The following ELFN1 variants were observed in gnomAD, a reference collection of about 807,000 sequenced individuals.
ELFN1 encodes the protein protein ELFN1.
ELFN1 carries 6 observed loss-of-function variants against 7.6 expected under a neutral mutation model. That is an observed-to-expected ratio of 0.79 (90% confidence interval 0.43 to 1.56). The LOEUF (loss-of-function observed/expected upper bound fraction) is 1.56. ELFN1 is among the 40% of genes most tolerant of loss of function. The pLI is 0.01. For synonymous variants in ELFN1, 657 were observed against 588.1 expected, an observed-to-expected ratio of 1.12 and a Z score of -1.70; for missense variants, 1,169 against 1,232.2, an observed-to-expected ratio of 0.95 and a Z score of 0.77.
chr7:1,671,859 C>T (rs1778773981), intron 1 of ELFN1, among the ~76,000 whole-genome samples: 1 of 152,184 alleles, frequency 6.6e-6, no homozygotes, highest in Non-Finnish European at 1.5e-5. Context: ...GGGAGGGGGT[C>T]ACCCCCTCAC....
chr7:1,720,436 G>A (rs958805970), intron 3 of ELFN1, among the ~76,000 whole-genome samples: 1 of 152,212 alleles, frequency 6.6e-6, no homozygotes, highest in Non-Finnish European at 1.5e-5. Context: ...CCTCAGGAAT[G>A]GGTCCCCAGC....
At position 1,745,308 on chromosome 7, in the gene ELFN1, G is replaced by GGCCACCGCA; in HGVS notation, c.715_723dup (p.His239_Ser241dup). On this transcript the variant is annotated inframe_insertion, in exon 4 of 4. Transcript: ENST00000424383. The stretch of plus-strand genomic sequence containing the variant: ...CTACCTCCTGGGCCAGGGCCGCCGC[G>GGCCACCGCA]GCCACCGCAGCATCCTCAGCAAACT... 1 of 1,538,780 alleles carries GGCCACCGCA rather than the reference G, an allele frequency of 6.5e-7. No individual in the cohort carries two copies. The highest frequency in any genetic ancestry group is 8.7e-7 in the Non-Finnish European group (1 of 1,146,770).
intron 1 of ELFN1, among the ~76,000 whole-genome samples, chr7:1,677,459 C>T (rs1315323363): frequency 2.6e-5 from 4 of 152,196 alleles, no homozygotes; most frequent in Non-Finnish European, 1.5e-5. Context: ...AGCAGGCACG[C>T]ATGTTCACGT....
At chr7:1,723,042 A>G (rs1780070869) in intron 3 of ELFN1, among the ~76,000 whole-genome samples, 1 of 152,178 alleles carries the variant, frequency 6.6e-6, no homozygotes, top group African/African-American at 2.4e-5. Context: ...TAAAAATACA[A>G]AATTAGCCAG....
Position 1,695,680 on chromosome 7 carries a change from G to A in ELFN1, c.-456+7530G>A, listed in dbSNP as rs143894569. On this transcript the variant is annotated intron_variant, in intron 2 of 3. Transcript: ENST00000424383. This position sits in a 1 kb window ranked among gnomAD's most constrained non-coding sequence, Gnocchi z 5.1. ...GGAGAATTGTTTGAACCCAGGAGGT[G>A]GAGGTTGCAGTGAGCCGAGATCGCG... is the stretch of plus-strand genomic sequence containing the variant. Among the ~76,000 whole-genome samples, 1,704 of 150,938 alleles carry A rather than the reference G, an allele frequency of 0.011. 30 individuals carry two copies. The highest frequency in any genetic ancestry group is 0.039 in the African/African-American group (1,609 of 40,922).
chr7:1,690,926 A>G (rs1238895251), intron 2 of ELFN1, among the ~76,000 whole-genome samples: 2 of 152,132 alleles, frequency 1.3e-5, no homozygotes, highest in Non-Finnish European at 2.9e-5. Flanking sequence ...ATGTAGATTA[A>G]TGATGATGGA....
chr7:1,730,460 C>T (rs1328637951), intron 3 of ELFN1, among the ~76,000 whole-genome samples: 8 of 152,158 alleles, frequency 5.3e-5, no homozygotes, highest in Non-Finnish European at 1.0e-4. Flanking sequence ...TCCAATTCCA[C>T]AGAATATCAC....
chr7:1,716,686 A>G (rs1779842946), intron 3 of ELFN1, among the ~76,000 whole-genome samples: 1 of 151,914 alleles, frequency 6.6e-6, no homozygotes, highest in Non-Finnish European at 1.5e-5. Flanking sequence ...CCCCCTGCAA[A>G]CTCAGCCCCA....
At chr7:1,682,340 T>A (rs889619364) in intron 1 of ELFN1, among the ~76,000 whole-genome samples, 1 of 152,254 alleles carries the variant, frequency 6.6e-6, no homozygotes, top group Non-Finnish European at 1.5e-5. Flanking sequence ...AAAAAGACTA[T>A]CTTTTCTGCA....
At chr7:1,699,610 C>T (rs1779385225) in intron 2 of ELFN1, among the ~76,000 whole-genome samples, 1 of 152,166 alleles carries the variant, frequency 6.6e-6, no homozygotes, top group South Asian at 2.1e-4. Flanking sequence ...CACTGCACTC[C>T]AGCCTGGTCC....
intron 2 of ELFN1, chr7:1,693,151 C>T: frequency 2.8e-6 from 1 of 357,042 alleles, no homozygotes; most frequent in Non-Finnish European, 5.6e-6. Context: ...CCATGCAGAC[C>T]CCTAGTGACC....
chr7:1,671,860 AC>A (rs1190813555), intron 1 of ELFN1, among the ~76,000 whole-genome samples: 1 of 151,900 alleles, frequency 6.6e-6, no homozygotes, highest in Non-Finnish European at 1.5e-5. Context: ...GGAGGGGGTC[AC>A]CCCCTCACCT....
chr7:1,693,788 G>A (rs551141573), intron 2 of ELFN1: 4 of 470,574 alleles, frequency 8.5e-6, no homozygotes, highest in African/African-American at 2.0e-5. Context: ...TGACAGACAC[G>A]GGGTGCGGGA....
intron 2 of ELFN1, among the ~76,000 whole-genome samples, chr7:1,690,666 G>A (rs986050608): frequency 2.6e-5 from 4 of 151,210 alleles, no homozygotes; most frequent in African/African-American, 9.7e-5. Context: ...GAGGTGGGTG[G>A]ATGGGTGGAT....
intron 2 of ELFN1, among the ~76,000 whole-genome samples, chr7:1,688,567 C>A (rs933740889): frequency 2.8e-4 from 42 of 152,196 alleles, no homozygotes; most frequent in African/African-American, 7.9e-4. Context: ...GTTGATTTTA[C>A]CCCTTTTATT....
rs1223738207 is a variant in ELFN1 at position 1,744,212 on chromosome 7, A to T, written c.-293-92A>T. ...TCAGCGGAGCAGGGACTCAGGCCAC[A>T]TTGGGATGCCGCCGCTGTGAGATGC... On this transcript the variant is annotated intron_variant, in intron 3 of 3. Transcript: ENST00000424383. 4 of 244,924 alleles carry T rather than the reference A, an allele frequency of 1.6e-5. No homozygotes were observed. The East Asian group carries it at 3.6e-4, about 22-fold the overall frequency. 15.2% of individuals were successfully genotyped at this position (244,924 alleles called of 1,614,324 possible). A position where few individuals can be genotyped will look rare whatever the true frequency, so the allele number is the denominator to read the frequency against.
chr7:1,708,779 G>C (rs1298464052), intron 2 of ELFN1, among the ~76,000 whole-genome samples: 1 of 152,152 alleles, frequency 6.6e-6, no homozygotes, highest in Non-Finnish European at 1.5e-5. Context: ...CAAGTGACTA[G>C]AGCTGGAATT....
chr7:1,732,841 G>C (rs377652395), intron 3 of ELFN1, among the ~76,000 whole-genome samples: 2 of 152,142 alleles, frequency 1.3e-5, no homozygotes, highest in African/African-American at 2.4e-5. Context: ...CAGTGGGGAC[G>C]GCGCTGAACA....
upstream of ELFN1, among the ~76,000 whole-genome samples, chr7:1,666,614 GC>G (rs1383775033): frequency 6.6e-6 from 1 of 151,938 alleles, no homozygotes; most frequent in East Asian, 1.9e-4. The surrounding 1 kb of genome is among the most constrained non-coding windows in gnomAD (Gnocchi z 7.9). Flanking sequence ...CGCGCTGAGA[GC>G]AAAAAGCCGG....
Sources: allele counts gnomAD v4.1 joint callset (sites outside exome capture counted in the v4.1 genomes callset), GRCh38; gene constraint gnomAD v4.1.1; non-coding constraint Gnocchi (gnomAD v3.1); transcripts MANE v1.5; gene names NCBI Gene and HGNC (gene_info 2026-07-23, HGNC 2026-07-21).